Variants in CPQ observed in about 807,000 individuals in gnomAD.
CPQ encodes the protein Ser-Met dipeptidase.
A neutral mutation model predicts 45.7 loss-of-function variants in CPQ; 37 were observed. The ratio of observed to expected loss-of-function variants is 0.81; its 90% CI spans 0.62 to 1.07. The LOEUF (loss-of-function observed/expected upper bound fraction) is 1.07, where lower values mean the gene tolerates loss of function less well. Ranked by LOEUF, CPQ falls within the 50% of genes least tolerant of loss-of-function variation. CPQ has a pLI of 0.00. For synonymous variants in CPQ, 186 were observed against 205.8 expected, an observed-to-expected ratio of 0.90 and a Z score of 0.82; for missense variants, 537 against 572.9, an observed-to-expected ratio of 0.94 and a Z score of 0.64.
chr8:96,984,502 TC>T (rs1813969588), intron 5 of CPQ, among the ~76,000 whole-genome samples: 1 of 152,160 alleles, frequency 6.6e-6, no homozygotes, highest in African/African-American at 2.4e-5. Flanking sequence ...GTTTCTCCCC[TC>T]TGGAAGATGA....
At chr8:96,958,912 G>A (rs1214662550) in intron 4 of CPQ, among the ~76,000 whole-genome samples, 51 of 131,188 alleles carry the variant, frequency 3.9e-4, no homozygotes, top group East Asian at 6.8e-4. Flanking sequence ...CAGCTTCACT[G>A]AAAAAAAAAA....
At chr8:96,839,492 G>A (rs748824694) in intron 3 of CPQ, among the ~76,000 whole-genome samples, 52 of 151,912 alleles carry the variant, frequency 3.4e-4, no homozygotes, top group Non-Finnish European at 6.0e-4. Context: ...CTTTTGTCCT[G>A]GGAAATATGT....
chr8:96,850,167 G>A (rs1811751740), intron 3 of CPQ, among the ~76,000 whole-genome samples: 1 of 152,140 alleles, frequency 6.6e-6, no homozygotes, highest in Admixed American at 6.5e-5. Flanking sequence ...TGCTCATTTT[G>A]ATAGGGCTTT....
chr8:97,082,773 G>A (rs890028630), intron 7 of CPQ, among the ~76,000 whole-genome samples: 2 of 152,118 alleles, frequency 1.3e-5, no homozygotes, highest in African/African-American at 4.8e-5. Flanking sequence ...AATACCTGAA[G>A]TGTTCTGTCC....
chr8:97,124,910 A>C (rs1455558712), intron 7 of CPQ, among the ~76,000 whole-genome samples: 2 of 152,312 alleles, frequency 1.3e-5, no homozygotes, highest in East Asian at 3.9e-4. Context: ...CGTAGAAAAA[A>C]GTAGAAATCA....
chr8:96,757,077 T>G (rs1344600272), intron 1 of CPQ, among the ~76,000 whole-genome samples: 2 of 152,076 alleles, frequency 1.3e-5, no homozygotes, highest in Non-Finnish European at 2.9e-5. Context: ...CAGCTGAGCG[T>G]GGTGACTCAT....
chr8:97,070,863 G>A (rs1364301453), intron 7 of CPQ, among the ~76,000 whole-genome samples: 1 of 152,168 alleles, frequency 6.6e-6, no homozygotes, highest in East Asian at 1.9e-4. Context: ...TCCAGGTTAG[G>A]ATGAAAGGAG....
At chr8:97,077,966 T>C (rs950273562) in intron 7 of CPQ, among the ~76,000 whole-genome samples, 3 of 152,228 alleles carry the variant, frequency 2.0e-5, no homozygotes, top group African/African-American at 7.2e-5. Flanking sequence ...GTAGGATAAA[T>C]GCCTCATTCT....
chr8:96,803,020 CAT>C (rs1491126922), intron 2 of CPQ, among the ~76,000 whole-genome samples: 91 of 147,754 alleles, frequency 6.2e-4, no homozygotes, highest in Middle Eastern at 8.2e-3. Flanking sequence ...CACACACACA[CAT>C]GGCCTCTTTG....
At chr8:96,681,845 G>C (rs1377079767) in intron 1 of CPQ, among the ~76,000 whole-genome samples, 1 of 152,216 alleles carries the variant, frequency 6.6e-6, no homozygotes, top group Admixed American at 6.5e-5. Flanking sequence ...CTGGATGTGA[G>C]ACATGGAGTC....
chr8:96,647,118 G>C (rs1815527709), intron 1 of CPQ, among the ~76,000 whole-genome samples: 2 of 152,140 alleles, frequency 1.3e-5, no homozygotes, highest in African/African-American at 4.8e-5. Flanking sequence ...GAGCTGGAAG[G>C]ACCTTGGAGA....
At chr8:96,920,607 A>C (rs1368020028) in intron 4 of CPQ, among the ~76,000 whole-genome samples, 1 of 152,082 alleles carries the variant, frequency 6.6e-6, no homozygotes, top group African/African-American at 2.4e-5. Flanking sequence ...CACATACCCT[A>C]ACCCCTAGTA....
At chr8:96,820,975 T>C (rs1811295321) in intron 2 of CPQ, among the ~76,000 whole-genome samples, 1 of 151,856 alleles carries the variant, frequency 6.6e-6, no homozygotes, top group African/African-American at 2.4e-5. Context: ...GCATCTGTTA[T>C]TGTGTGTGGT....
chr8:96,962,648 G>A (rs1464946915), intron 4 of CPQ, among the ~76,000 whole-genome samples: 1 of 152,122 alleles, frequency 6.6e-6, no homozygotes, highest in Non-Finnish European at 1.5e-5. Context: ...GAGATTTTCA[G>A]TAGCCTTGTG....
At position 96,835,089 on chromosome 8, in the gene CPQ, G is replaced by A; in HGVS notation, c.550G>A (p.Val184Met). Residue 184 changes from valine (V) to methionine (M), a missense_variant, in exon 3 of 8, where the codon GTG becomes ATG. Physicochemically the swap from Val to Met is conservative, Grantham distance 21. Coordinates refer to ENST00000220763, the MANE Select transcript of CPQ (RefSeq NM_016134.4). ...NQPYINYSRT[V>M]QYRTQGAVEA... is the part of the protein sequence containing the mutation. Reference sequence around the variant, plus strand: ...ACCTTACATCAACTACTCAAGGACGGTGCAATACCGAACGCAGGGGGCGGT... The same window carrying A: ...ACCTTACATCAACTACTCAAGGACGATGCAATACCGAACGCAGGGGGCGGT... The A allele has an allele frequency of 6.2e-7, 1 of 1,608,086 alleles. No homozygotes were observed.
intron 5 of CPQ, among the ~76,000 whole-genome samples, chr8:97,001,320 C>T (rs1180874391): frequency 6.6e-6 from 1 of 151,896 alleles, no homozygotes; most frequent in Non-Finnish European, 1.5e-5. Flanking sequence ...CTAGTGAAAT[C>T]TGATTTTCAA....
chr8:97,094,388 G>A (rs1034707587), intron 7 of CPQ, among the ~76,000 whole-genome samples: 11 of 152,140 alleles, frequency 7.2e-5, no homozygotes, highest in African/African-American at 2.7e-4. Context: ...CATGGCATGA[G>A]TTTTTCCCTC....
chr8:96,740,282 A>C (rs1371982655), intron 1 of CPQ, among the ~76,000 whole-genome samples: 2 of 152,114 alleles, frequency 1.3e-5, no homozygotes, highest in African/African-American at 4.8e-5. Context: ...TTGGTGTATA[A>C]GAATGCTTGT....
At chr8:96,698,873 C>T (rs1274586612) in intron 1 of CPQ, among the ~76,000 whole-genome samples, 2 of 152,122 alleles carry the variant, frequency 1.3e-5, no homozygotes, top group African/African-American at 2.4e-5. Flanking sequence ...CCCTTGTACA[C>T]TATTGGTGGG....
Sources: allele counts gnomAD v4.1 joint callset (sites outside exome capture counted in the v4.1 genomes callset), GRCh38; gene constraint gnomAD v4.1.1; transcripts MANE v1.5; gene names NCBI Gene and HGNC (gene_info 2026-07-23, HGNC 2026-07-21).